The following KCNIP4 variants were observed in gnomAD, a reference collection of about 807,000 sequenced individuals.
KCNIP4 encodes potassium voltage-gated channel interacting protein 4, also known as Kv channel-interacting protein 4.
In KCNIP4, 12 loss-of-function variants were observed where a neutral mutation model predicts 34.0. The ratio of observed to expected loss-of-function variants is 0.35; its 90% CI spans 0.23 to 0.57. KCNIP4 has a LOEUF of 0.57. Among genes scored for constraint, KCNIP4 ranks in the 20% least tolerant of loss-of-function variants. The pLI, the probability that KCNIP4 is intolerant of heterozygous loss-of-function variation, is 0.83. For missense variants in KCNIP4, 238 were observed against 311.7 expected, an observed-to-expected ratio of 0.76 and a Z score of 1.78; for synonymous variants, 124 against 102.2, an observed-to-expected ratio of 1.21 and a Z score of -1.29.
intron 1 of KCNIP4, among the ~76,000 whole-genome samples, chr4:21,328,278 G>C (rs1352822069): frequency 1.3e-5 from 2 of 152,164 alleles, no homozygotes; most frequent in African/African-American, 4.8e-5. Flanking sequence ...CTGCATTAGA[G>C]GGCATCCCAA....
intron 1 of KCNIP4, among the ~76,000 whole-genome samples, chr4:20,940,309 T>G (rs1731512157): frequency 6.6e-6 from 1 of 152,212 alleles, no homozygotes; most frequent in Non-Finnish European, 1.5e-5. Flanking sequence ...TTTGTATTTA[T>G]TTGATCTTAT....
chr4:21,555,179 A>G (rs573655417), intron 1 of KCNIP4, among the ~76,000 whole-genome samples: 1 of 152,232 alleles, frequency 6.6e-6, no homozygotes, highest in East Asian at 1.9e-4. Context: ...GAGATCACAG[A>G]GGCAGGGCAA....
chr4:21,214,926 T>C (rs1757454729), intron 1 of KCNIP4, among the ~76,000 whole-genome samples: 2 of 152,310 alleles, frequency 1.3e-5, no homozygotes, highest in African/African-American at 4.8e-5. Flanking sequence ...AGTATTTATT[T>C]TGCAATTTTT....
intron 1 of KCNIP4, among the ~76,000 whole-genome samples, chr4:21,909,801 G>A (rs945550209): frequency 1.2e-4 from 19 of 152,012 alleles, no homozygotes; most frequent in Admixed American, 4.6e-4. Context: ...CTTACATGGC[G>A]ACAGGCAAAG....
In KCNIP4 at chr4:20,947,367, C is replaced by T. The variant is rs1400522427; in HGVS notation, c.62-64658G>A. Among the ~76,000 whole-genome samples, 3 of 152,056 alleles carry T rather than the reference C, an allele frequency of 2.0e-5. No homozygotes were observed. The East Asian group carries it at 5.8e-4, about 30-fold the overall frequency. ...TACTTTTAGTAGAGATAGGGTTTCA[C>T]CATGTTGCCCAGGCTGGTCTCAAAC... On this transcript the variant is annotated intron_variant, in intron 1 of 8. Coordinates refer to ENST00000382152, the MANE Select transcript of KCNIP4 (RefSeq NM_025221.6).
chr4:21,599,098 C>A (rs760266253), intron 1 of KCNIP4, among the ~76,000 whole-genome samples: 1 of 152,078 alleles, frequency 6.6e-6, no homozygotes, highest in Non-Finnish European at 1.5e-5. Context: ...CAACACTATT[C>A]CTCCTCTGTT....
intron 1 of KCNIP4, among the ~76,000 whole-genome samples, chr4:21,147,737 G>A (rs557170365): frequency 2.6e-5 from 4 of 151,702 alleles, no homozygotes; most frequent in African/African-American, 4.8e-5. Context: ...TTAGGAGTTC[G>A]AGACCAGCCT....
intron 1 of KCNIP4, among the ~76,000 whole-genome samples, chr4:21,483,769 G>A (rs189719180): frequency 2.0e-3 from 298 of 151,802 alleles, no homozygotes; most frequent in African/African-American, 6.0e-3. Context: ...CAGCCTGGGC[G>A]AAAGAGACAG....
intron 1 of KCNIP4, among the ~76,000 whole-genome samples, chr4:21,018,023 C>T (rs181668083): frequency 2.6e-5 from 4 of 152,262 alleles, no homozygotes; most frequent in East Asian, 1.9e-4. Flanking sequence ...TAAAAACTCA[C>T]GGATGTACCA....
intron 1 of KCNIP4, among the ~76,000 whole-genome samples, chr4:21,474,954 C>A (rs566645670): frequency 6.9e-6 from 1 of 145,860 alleles, no homozygotes; most frequent in South Asian, 2.2e-4. Context: ...TGAGCCGAGA[C>A]TGCACCACTG....
intron 5 of KCNIP4, among the ~76,000 whole-genome samples, chr4:20,745,814 C>A (rs1359645205): frequency 6.6e-6 from 1 of 152,130 alleles, no homozygotes; most frequent in Non-Finnish European, 1.5e-5. Flanking sequence ...TCCCCTGACT[C>A]CCTGCCAATC....
chr4:21,174,916 G>GA (rs960272136), intron 1 of KCNIP4, among the ~76,000 whole-genome samples: 1 of 139,806 alleles, frequency 7.2e-6, no homozygotes. Context: ...AAAAAAAAAA[G>GA]AAAAAAAAAG....
At chr4:21,286,068 T>C (rs1199120848) in intron 1 of KCNIP4, among the ~76,000 whole-genome samples, 1 of 152,224 alleles carries the variant, frequency 6.6e-6, no homozygotes, top group Admixed American at 6.5e-5. Flanking sequence ...CCAGCTTCTT[T>C]GCCATTTACA....
intron 1 of KCNIP4, among the ~76,000 whole-genome samples, chr4:21,601,097 C>T (rs534907023): frequency 6.5e-4 from 97 of 148,618 alleles, no homozygotes; most frequent in Non-Finnish European, 1.1e-3. Flanking sequence ...ATCCCCCAAC[C>T]GTTTTCACAG....
intron 1 of KCNIP4, among the ~76,000 whole-genome samples, chr4:21,576,370 G>T (rs943413931): frequency 6.6e-6 from 1 of 152,126 alleles, no homozygotes; most frequent in African/African-American, 2.4e-5. Context: ...CCAAGGTCAC[G>T]TCGGCACTAA....
At chr4:21,824,199 G>A (rs1264700457) in intron 1 of KCNIP4, among the ~76,000 whole-genome samples, 1 of 152,118 alleles carries the variant, frequency 6.6e-6, no homozygotes, top group African/African-American at 2.4e-5. Context: ...CCAAAATAAT[G>A]TTGGGAGAAA....
chr4:21,571,954 A>T (rs553826705), intron 1 of KCNIP4, among the ~76,000 whole-genome samples: 3 of 152,194 alleles, frequency 2.0e-5, no homozygotes, highest in Non-Finnish European at 4.4e-5. Context: ...TTGAAGAAAC[A>T]GATTCTTAGA....
chr4:20,938,873 T>C (rs139335878), intron 1 of KCNIP4, among the ~76,000 whole-genome samples: 3 of 152,202 alleles, frequency 2.0e-5, no homozygotes, highest in Non-Finnish European at 4.4e-5. Context: ...CTTCAACCTC[T>C]TTATCCTGAA....
intron 1 of KCNIP4, among the ~76,000 whole-genome samples, chr4:21,112,796 C>T (rs1429801295): frequency 6.6e-6 from 1 of 152,086 alleles, no homozygotes; most frequent in Non-Finnish European, 1.5e-5. Flanking sequence ...ATTAGAAAAA[C>T]AGAAAATGGA....
Sources: gnomAD v4.1 joint callset for allele counts (sites outside exome capture counted in the v4.1 genomes callset) on GRCh38, gnomAD v4.1.1 for gene constraint, MANE v1.5 for transcripts, NCBI Gene and HGNC (gene_info 2026-07-23, HGNC 2026-07-21) for gene names.